Variants in TANC2 observed in about 807,000 individuals in gnomAD.
TANC2 encodes the protein tetratricopeptide repeat, ankyrin repeat and coiled-coil containing 2.
Under a neutral mutation model 210.5 loss-of-function variants are expected in TANC2, and 26 were observed. That is an observed-to-expected ratio of 0.12 (90% CI 0.09 to 0.17). The LOEUF is 0.17. Among genes scored for constraint, TANC2 ranks in the 10% least tolerant of loss-of-function variants. The probability of loss-of-function intolerance (pLI) is 1.00; values close to 1 mark genes in which losing one functional copy is unlikely to be tolerated. For missense variants in TANC2, 2,129 were observed against 2,608.9 expected, an observed-to-expected ratio of 0.82 and a Z score of 4.01; for synonymous variants, 931 against 967.1, an observed-to-expected ratio of 0.96 and a Z score of 0.69.
At chr17:63,312,819 T>A (rs1022522273) in intron 9 of TANC2, among the ~76,000 whole-genome samples, 3 of 152,192 alleles carry the variant, frequency 2.0e-5, no homozygotes, top group Non-Finnish European at 4.4e-5. Flanking sequence ...CTCCACAGCT[T>A]CCCCTAACCC....
rs779928108 is a variant in TANC2 at position 63,420,806 on chromosome 17, C to T, written c.5076C>T (p.Ala1692=). 8 of 1,613,862 alleles carry T rather than the reference C, an allele frequency of 5.0e-6. No homozygotes were observed. The East Asian group carries it at 1.6e-4, about 31-fold the overall frequency. ...AGCAAGGGCTCAGGCTACAGCCTGC[C>T]AAGGCCCAGATTGTGAGAAGTAACC... is the stretch of plus-strand genomic sequence containing the variant. Residue 1692 remains alanine (A), a synonymous_variant, in exon 28 of 28, where the codon GCC becomes GCT. Transcript: ENST00000689528. The surrounding 1 kb of genome is among the most constrained non-coding windows in gnomAD (Gnocchi z 4.2).
intron 2 of TANC2, among the ~76,000 whole-genome samples, chr17:63,048,765 A>AG (rs2035473722): frequency 6.6e-6 from 1 of 152,082 alleles, no homozygotes; most frequent in South Asian, 2.1e-4. Context: ...GGAGACAAAG[A>AG]GGGGAACAAC....
chr17:63,103,178 T>C (rs1027974725), intron 4 of TANC2, among the ~76,000 whole-genome samples: 8 of 152,146 alleles, frequency 5.3e-5, no homozygotes, highest in African/African-American at 7.2e-5. Flanking sequence ...TACTTATGTT[T>C]TCATTTTGTA....
At chr17:63,050,441 T>C (rs987844595) in intron 2 of TANC2, among the ~76,000 whole-genome samples, 4 of 151,646 alleles carry the variant, frequency 2.6e-5, no homozygotes, top group African/African-American at 9.7e-5. Context: ...AGGTCCAGGT[T>C]AGAGATATAA....
intron 4 of TANC2, among the ~76,000 whole-genome samples, chr17:63,115,035 T>G (rs2038200335): frequency 6.6e-6 from 1 of 152,192 alleles, no homozygotes; most frequent in Non-Finnish European, 1.5e-5. Flanking sequence ...ATCTCTCTAA[T>G]GCAAAGATCT....
chr17:63,285,147 A>T (rs1029499028), intron 9 of TANC2, among the ~76,000 whole-genome samples: 17 of 152,144 alleles, frequency 1.1e-4, no homozygotes, highest in African/African-American at 3.9e-4. Context: ...TCTTATTAGC[A>T]TCATAGTGAT....
chr17:63,017,652 T>G (rs1331320900), intron 2 of TANC2, among the ~76,000 whole-genome samples: 2 of 152,184 alleles, frequency 1.3e-5, no homozygotes, highest in Admixed American at 6.6e-5. Context: ...CAGTCACTCC[T>G]CAGTGGATTC....
At chr17:63,003,103 A>G (rs2033461632) in intron 1 of TANC2, among the ~76,000 whole-genome samples, 2 of 152,100 alleles carry the variant, frequency 1.3e-5, no homozygotes, top group African/African-American at 4.8e-5. Flanking sequence ...AATTTAAATT[A>G]CTCTTCATTG....
At chr17:63,265,383 T>G (rs1180666975) in intron 8 of TANC2, among the ~76,000 whole-genome samples, 1 of 152,218 alleles carries the variant, frequency 6.6e-6, no homozygotes, top group African/African-American at 2.4e-5. Context: ...CTTAATCAAC[T>G]GACTTGTCTC....
intron 11 of TANC2, chr17:63,331,844 GTGTGTGTGTGTC>G (rs956014064): frequency 8.8e-5 from 14 of 159,246 alleles, no homozygotes. Context: ...GAGTGTGTGT[GTGTGTGTGTGTC>G]TGTGTGTGTG....
chr17:63,098,016 T>A (rs1371260574), intron 3 of TANC2, among the ~76,000 whole-genome samples: 2 of 152,194 alleles, frequency 1.3e-5, no homozygotes, highest in African/African-American at 4.8e-5. Context: ...TTTATTTTCT[T>A]AAACATATTT....
intron 9 of TANC2, among the ~76,000 whole-genome samples, chr17:63,275,323 C>T (rs1054197165): frequency 6.6e-6 from 1 of 152,104 alleles, no homozygotes; most frequent in African/African-American, 2.4e-5. Flanking sequence ...CTTTAATAGA[C>T]ACTAGGTTGG....
chr17:63,340,373 G>T, intron 12 of TANC2, 41 bp downstream of exon 12: 2 of 1,546,534 alleles, frequency 1.3e-6, no homozygotes, highest in Non-Finnish European at 1.8e-6. Flanking sequence ...TGGAGGTTTA[G>T]AGCCCAAGTT....
chr17:63,138,581 G>A (rs2039175384), intron 4 of TANC2, among the ~76,000 whole-genome samples: 1 of 152,048 alleles, frequency 6.6e-6, no homozygotes, highest in African/African-American at 2.4e-5. Flanking sequence ...TTGTCAATCT[G>A]TATTCTTCTT....
rs542063478 is a variant in TANC2, at chr17:63,120,168, A to AT, written c.322+20821dup. ...ATCTTTCTTGACCATATCCTTTGGT[A>AT]TTTTTTTTTTATGTTTGGGATCTTA... On this transcript the variant is annotated intron_variant, in intron 4 of 27. Transcript: ENST00000689528. Among the ~76,000 whole-genome samples, 92 of 148,784 alleles carry AT rather than the reference A, an allele frequency of 6.2e-4. 1 individual carries two copies. Among genetic ancestry groups the AT allele is most frequent in the African/African-American group, 1.1e-3 (45 of 40,676 alleles).
rs767537932 is a variant in TANC2 at position 63,421,213 on chromosome 17, C to T, written c.5483C>T (p.Ser1828Phe). The change falls in exon 28 of 28, where the codon TCC becomes TTC. Residue 1828 changes from serine (S) to phenylalanine (F), a missense_variant. This residue lies in a region of TANC2 where 584 missense variants were observed against 627.3 expected (regional missense o/e 0.93). Coordinates refer to ENST00000689528, the Ensembl canonical transcript of TANC2. The surrounding 1 kb of genome is among the most constrained non-coding windows in gnomAD (Gnocchi z 6.9). ...GAGCGCTCCTCCAGCCAACTAGGTT[C>T]CCCTGATGTGTCGCATTTAATCAGA... 12 of 1,614,050 alleles carry T rather than the reference C, an allele frequency of 7.4e-6. No homozygotes were observed. In the South Asian group the frequency reaches 9.9e-5, roughly 13 times the overall value.
chr17:63,351,130 C>A, intron 12 of TANC2, 120 bp from the exon 13 acceptor site: 1 of 907,526 alleles, frequency 1.1e-6, no homozygotes, highest in Non-Finnish European at 1.7e-6. Flanking sequence ...TGAGCATTCA[C>A]TAAACACATG....
In TANC2 at chr17:63,335,214, T is replaced by C. The variant is rs541377626; in HGVS notation, c.1576-4887T>C. On this transcript the variant is annotated intron_variant, in intron 11 of 27. Transcript: ENST00000689528. The stretch of plus-strand genomic sequence containing the variant: ...ATCCACAAAGAGGGATAAAACACTC[T>C]TTTTCTGGTATTCTTGACAAAAATT... Among the ~76,000 whole-genome samples the C allele has an allele frequency of 6.6e-5, 10 of 152,310 alleles. No individual in the cohort carries two copies. In the East Asian group the frequency reaches 1.7e-3, roughly 26 times the overall value.
At chr17:63,268,505 T>G (rs888372416) in intron 9 of TANC2, among the ~76,000 whole-genome samples, 1 of 152,218 alleles carries the variant, frequency 6.6e-6, no homozygotes, top group Non-Finnish European at 1.5e-5. Flanking sequence ...ATTATATATA[T>G]GCAAATATTC....
Sources: allele counts gnomAD v4.1 joint callset (sites outside exome capture counted in the v4.1 genomes callset), GRCh38; gene constraint gnomAD v4.1.1; regional missense constraint gnomAD v4.1.1; non-coding constraint Gnocchi (gnomAD v3.1); transcripts MANE v1.5; gene names NCBI Gene and HGNC (gene_info 2026-07-23, HGNC 2026-07-21).